DPP6: variants seen among roughly 807,000 people sequenced by gnomAD.
The protein encoded by DPP6 is A-type potassium channel modulatory protein DPP6.
DPP6 carries 69 observed loss-of-function variants against 122.6 expected under a neutral mutation model. That is an observed-to-expected ratio of 0.56 (90% CI 0.46 to 0.69). DPP6 has a LOEUF of 0.69. DPP6 is among the 30% of genes least tolerant of loss of function. The pLI, the probability that DPP6 is intolerant of heterozygous loss-of-function variation, is 0.00. For missense variants in DPP6, 928 were observed against 1,116.9 expected (o/e 0.83, Z 2.41); for synonymous variants, 418 against 433.1 (o/e 0.97, Z 0.43).
intron 3 of DPP6, among the ~76,000 whole-genome samples, chr7:154,504,547 T>C (rs1409477264): frequency 6.6e-6 from 1 of 152,164 alleles, no homozygotes; most frequent in Non-Finnish European, 1.5e-5. Flanking sequence ...AGTACAAGAA[T>C]AGATAACTCA....
chr7:154,829,406 AGGGGGAG>A (rs1371075596), intron 16 of DPP6, among the ~76,000 whole-genome samples: 7 of 123,772 alleles, frequency 5.7e-5, no homozygotes, highest in South Asian at 3.5e-4. Context: ...AGGAGAGAAG[AGGGGGAG>A]AGGAGGAGAG....
chr7:154,721,356 G>T (rs1166581453), intron 7 of DPP6, among the ~76,000 whole-genome samples: 1 of 152,148 alleles, frequency 6.6e-6, no homozygotes, highest in African/African-American at 2.4e-5. Flanking sequence ...TGCTGGGCAA[G>T]TTGCTTAACA....
chr7:154,690,066 A>G, intron 7 of DPP6, among the ~76,000 whole-genome samples: 1 of 152,204 alleles, frequency 6.6e-6, no homozygotes, highest in East Asian at 1.9e-4. Flanking sequence ...CAGTGTGCTT[A>G]TAAACATAAA....
At chr7:153,768,308 C>T in the DPP6 span, among the ~76,000 whole-genome samples, 2 of 150,726 alleles carry the variant, frequency 1.3e-5, 1 homozygote, top group Admixed American at 1.3e-4. Context: ...GTACCATATG[C>T]CAGAAACATA....
chr7:154,544,032 ACATTTAAAATTCTATGATGATTATAT>A (rs1828956762), intron 4 of DPP6, among the ~76,000 whole-genome samples: 1 of 149,184 alleles, frequency 6.7e-6, no homozygotes, highest in South Asian at 2.1e-4. Flanking sequence ...GTATGTGTAA[ACATTTAAAATTCTATGATGATTATAT>A]TATGGTTCAC....
chr7:153,883,608 G>C (rs1361649211), upstream of DPP6, among the ~76,000 whole-genome samples: 1 of 152,192 alleles, frequency 6.6e-6, no homozygotes, highest in Non-Finnish European at 1.5e-5. Flanking sequence ...TTGAACTCCT[G>C]ACCTCAGGTG....
chr7:154,804,580 C>T (rs972652417), intron 14 of DPP6, among the ~76,000 whole-genome samples: 2 of 152,194 alleles, frequency 1.3e-5, no homozygotes. Context: ...GTGCTCAGCT[C>T]CTTGCCCTTC....
In DPP6 at chr7:154,691,549, G is replaced by A. The variant is rs536660709; in HGVS notation, c.762+22108G>A. Among the ~76,000 whole-genome samples the A allele has an allele frequency of 2.0e-5, 3 of 152,316 alleles. No individual in the cohort carries two copies. In the South Asian group the frequency reaches 6.2e-4, roughly 32 times the overall value. On this transcript the variant is annotated intron_variant, in intron 7 of 25. Transcript: ENST00000377770. Reference sequence around the variant, plus strand: ...AGAAAATAAAGCAGCCGGGCGCGGTGGCTCACTCCTGTAATCTCAGCACTT... The same window carrying A: ...AGAAAATAAAGCAGCCGGGCGCGGTAGCTCACTCCTGTAATCTCAGCACTT...
intron 17 of DPP6, among the ~76,000 whole-genome samples, chr7:154,855,513 T>G (rs1432107962): frequency 2.0e-5 from 3 of 152,194 alleles, no homozygotes; most frequent in Admixed American, 6.5e-5. Flanking sequence ...CTGCGAGGTT[T>G]GGGAATCTGG....
intron 8 of DPP6, among the ~76,000 whole-genome samples, chr7:154,748,109 G>C (rs1843122002): frequency 6.6e-6 from 1 of 152,196 alleles, no homozygotes; most frequent in Non-Finnish European, 1.5e-5. Flanking sequence ...CCCGCTTCCG[G>C]CAAGGAGAGA....
rs1436333955 is a variant in DPP6, at chr7:154,842,813, G to A, written c.1667-10967G>A. 2.6e-5 allele frequency among the ~76,000 whole-genome samples: 4 copies of A among 152,200 alleles called. No individual in the cohort carries two copies. In the East Asian group the frequency reaches 7.7e-4, roughly 29 times the overall value. ...GGTTATCTCTTCGTAAGCAAAGGCT[G>A]AGCAGATACCATCAGTTTTCTGCTA... On this transcript the variant is annotated intron_variant, in intron 16 of 25. Coordinates refer to ENST00000377770, the MANE Select transcript of DPP6 (RefSeq NM_130797.4).
chr7:153,865,965 C>A, the DPP6 span, among the ~76,000 whole-genome samples: 1 of 152,068 alleles, frequency 6.6e-6, no homozygotes, highest in Non-Finnish European at 1.5e-5. Context: ...ATCCATGTCC[C>A]TATAAAGGAC....
intron 8 of DPP6, among the ~76,000 whole-genome samples, chr7:154,761,204 A>C (rs1197791899): frequency 6.6e-6 from 1 of 152,242 alleles, no homozygotes; most frequent in Non-Finnish European, 1.5e-5. Flanking sequence ...GCAAGTCTAT[A>C]AACTGGGCAT....
chr7:153,889,357 A>G (rs1358273283), intron 1 of DPP6, among the ~76,000 whole-genome samples: 1 of 152,148 alleles, frequency 6.6e-6, no homozygotes, highest in East Asian at 1.9e-4. Context: ...ATGCTTTTTC[A>G]TTAAATGCCC....
intron 5 of DPP6, among the ~76,000 whole-genome samples, chr7:154,629,833 C>T (rs1467085549): frequency 6.6e-6 from 1 of 152,158 alleles, no homozygotes; most frequent in East Asian, 1.9e-4. Context: ...TGACCAGACA[C>T]CCAGTCCAAA....
intron 21 of DPP6, among the ~76,000 whole-genome samples, chr7:154,883,369 C>A (rs1383390393): frequency 3.4e-5 from 5 of 147,350 alleles, no homozygotes; most frequent in African/African-American, 1.3e-4. Context: ...TGCTCACACA[C>A]ACGATTACAT....
At position 154,103,956 on chromosome 7, in the gene DPP6, G is replaced by A. The variant is rs181367692; in HGVS notation, c.243+50893G>A. 9.2e-5 allele frequency among the ~76,000 whole-genome samples: 14 copies of A among 152,232 alleles called. No homozygotes were observed. The East Asian group carries it at 2.7e-3, about 30-fold the overall frequency. On this transcript the variant is annotated intron_variant, in intron 1 of 25. Transcript: ENST00000377770. ...TTTGGACTTGGACTGAGCCACTACC[G>A]GCTTCTCTCTTCCCCAGCTTGCAGA...
intron 1 of DPP6, among the ~76,000 whole-genome samples, chr7:154,362,719 C>T (rs1436554149): frequency 6.6e-6 from 1 of 152,126 alleles, no homozygotes; most frequent in Non-Finnish European, 1.5e-5. Context: ...GCCACCATGC[C>T]TGGCCGCAAT....
intron 1 of DPP6, among the ~76,000 whole-genome samples, chr7:154,001,075 GTCC>G (rs1306524282): frequency 1.3e-5 from 2 of 151,950 alleles, no homozygotes; most frequent in Non-Finnish European, 2.9e-5. Context: ...TTCCATCCCT[GTCC>G]TCCTCACCTC....
Sources: allele counts gnomAD v4.1 joint callset (sites outside exome capture counted in the v4.1 genomes callset), GRCh38; gene constraint gnomAD v4.1.1; transcripts MANE v1.5; gene names NCBI Gene and HGNC (gene_info 2026-07-23, HGNC 2026-07-21).